ESRRG: variants seen among roughly 807,000 people sequenced by gnomAD.
ESRRG encodes the protein estrogen-related receptor gamma.
A neutral mutation model predicts 44.0 loss-of-function variants in ESRRG; 13 were observed. That is an observed-to-expected ratio of 0.30 (90% CI 0.19 to 0.47). ESRRG has a LOEUF of 0.47. Among genes scored for constraint, ESRRG ranks in the 20% least tolerant of loss-of-function variants. The pLI is 1.00. For missense variants in ESRRG, 395 were observed against 580.6 expected (o/e 0.68, Z 3.29); for synonymous variants, 215 against 214.6 (o/e 1.00, Z -0.02).
intron 1 of ESRRG, among the ~76,000 whole-genome samples, chr1:216,955,391 G>C (rs1415807319): frequency 6.6e-6 from 1 of 152,082 alleles, no homozygotes; most frequent in African/African-American, 2.4e-5. Flanking sequence ...TTTATGGCTG[G>C]ATGGTATTCC....
chr1:216,906,201 T>C (rs993245019), intron 2 of ESRRG, among the ~76,000 whole-genome samples: 1 of 151,610 alleles, frequency 6.6e-6, no homozygotes, highest in Non-Finnish European at 1.5e-5. Flanking sequence ...CTTTCCCTTA[T>C]ATATCCCCTC....
intron 3 of ESRRG, among the ~76,000 whole-genome samples, chr1:216,634,629 C>A (rs2064917727): frequency 1.3e-5 from 2 of 152,140 alleles, no homozygotes; most frequent in Non-Finnish European, 2.9e-5. Context: ...AGAGACGAGC[C>A]AGTGCAGAAT....
intron 2 of ESRRG, among the ~76,000 whole-genome samples, chr1:216,915,470 T>TTTCAACACTTTGAACATTCAAAG (rs566577222): frequency 4.7e-4 from 72 of 152,324 alleles, no homozygotes; most frequent in Middle Eastern, 3.4e-3. Flanking sequence ...GAAGGTGCTC[T>TTTCAACACTTTGAACATTCAAAG]TTCAACACTT....
intron 1 of ESRRG, among the ~76,000 whole-genome samples, chr1:217,077,748 T>C (rs1188949826): frequency 6.6e-6 from 1 of 152,210 alleles, no homozygotes; most frequent in Non-Finnish European, 1.5e-5. Flanking sequence ...ACAGTACAAA[T>C]TCATTCTTTT....
chr1:216,620,890 T>C (rs1055077074), intron 3 of ESRRG, among the ~76,000 whole-genome samples: 3 of 152,192 alleles, frequency 2.0e-5, no homozygotes, highest in Non-Finnish European at 4.4e-5. Context: ...TTGAATGATA[T>C]AGAAAAAGGA....
intron 1 of ESRRG, among the ~76,000 whole-genome samples, chr1:216,678,409 C>T (rs11117659): frequency 0.24 from 35,854 of 152,018 alleles, 4,660 homozygotes; most frequent in Non-Finnish European, 0.3. Context: ...GTTATATTTA[C>T]ATTCAGTAAA....
At chr1:217,016,949 CTT>C (rs2079476582) in intron 1 of ESRRG, among the ~76,000 whole-genome samples, 2 of 152,154 alleles carry the variant, frequency 1.3e-5, no homozygotes, top group African/African-American at 4.8e-5. Context: ...TAAGTAAACT[CTT>C]TTACTAAGAG....
chr1:216,823,720 A>G (rs2095341014), intron 2 of ESRRG, among the ~76,000 whole-genome samples: 1 of 152,210 alleles, frequency 6.6e-6, no homozygotes, highest in South Asian at 2.1e-4. Flanking sequence ...CAGACTTAAT[A>G]GAGCCACCCA....
chr1:216,739,655 G>A (rs1400573490), intron 2 of ESRRG, among the ~76,000 whole-genome samples: 1 of 152,192 alleles, frequency 6.6e-6, no homozygotes, highest in Non-Finnish European at 1.5e-5. Context: ...TCCTCCAGGT[G>A]ATTCTGATGC....
chr1:216,613,781 G>C (rs1039089456), intron 3 of ESRRG, among the ~76,000 whole-genome samples: 1 of 152,126 alleles, frequency 6.6e-6, no homozygotes, highest in Non-Finnish European at 1.5e-5. Flanking sequence ...GCCAACGTTC[G>C]AAAACTAACA....
At chr1:216,916,834 C>CTTTTTTTTTTTTTTT (rs749847047) in intron 2 of ESRRG, among the ~76,000 whole-genome samples, 1 of 62,480 alleles carries the variant, frequency 1.6e-5, no homozygotes, top group Non-Finnish European at 2.8e-5. Flanking sequence ...CAGCTTTGGT[C>CTTTTTTTTTTTTTTT]TTTTTTTTTT....
At chr1:216,508,840 A>G (rs2041934689) in intron 6 of ESRRG, among the ~76,000 whole-genome samples, 1 of 152,222 alleles carries the variant, frequency 6.6e-6, no homozygotes, top group Admixed American at 6.5e-5. Flanking sequence ...CTCTAGATAC[A>G]CAAAAGACTG....
chr1:216,544,933 T>A (rs182512720), intron 5 of ESRRG, among the ~76,000 whole-genome samples: 48 of 152,192 alleles, frequency 3.2e-4, no homozygotes, highest in African/African-American at 1.1e-3. Flanking sequence ...GAAAACAATT[T>A]AAGAATTAGA....
Position 216,894,749 on chromosome 1 carries a change from CA to C in ESRRG, c.-14+44832del, listed in dbSNP as rs564658280. Among the ~76,000 whole-genome samples the C allele has an allele frequency of 3.1e-3, 472 of 152,158 alleles. 2 individuals carry two copies. The highest frequency in any genetic ancestry group is 5.4e-3 in the Non-Finnish European group (369 of 67,996). ...GAGAACACGGTCAAGTGGTCAGGAG[CA>C]GCACTGATGTTAATTAGCAATGAAA... On this transcript the variant is annotated intron_variant, in intron 2 of 7. Transcript: ENST00000359162.
At chr1:216,709,533 T>A (rs1184177473) in intron 1 of ESRRG, among the ~76,000 whole-genome samples, 1 of 151,980 alleles carries the variant, frequency 6.6e-6, no homozygotes, top group Non-Finnish European at 1.5e-5. Flanking sequence ...AAGAGAAACA[T>A]ACTTTTAAAT....
intron 1 of ESRRG, among the ~76,000 whole-genome samples, chr1:216,988,224 C>T (rs1162841054): frequency 6.6e-6 from 1 of 152,134 alleles, no homozygotes; most frequent in Non-Finnish European, 1.5e-5. Context: ...ATCATCAAGT[C>T]CAGAAGCCAT....
chr1:216,511,796 A>G (rs2042802180), intron 6 of ESRRG, among the ~76,000 whole-genome samples: 1 of 152,246 alleles, frequency 6.6e-6, no homozygotes, highest in African/African-American at 2.4e-5. Context: ...AAAAGATTTC[A>G]GAAGCCAACC....
rs2041300417 is a variant in ESRRG at position 216,506,740 on chromosome 1, T to A, written c.*199A>T. 1 of 653,938 alleles carries A rather than the reference T, an allele frequency of 1.5e-6. No individual in the cohort carries two copies. The highest frequency in any genetic ancestry group is 1.8e-5 in the African/African-American group (1 of 54,120). 40.5% of individuals were successfully genotyped at this position (653,938 alleles called of 1,614,324 possible). A position where few individuals can be genotyped will look rare whatever the true frequency, so the allele number is the denominator to read the frequency against. ...ATGTGGGAAGAAAGAGGAAAGAAGA[T>A]GATGGAGAAAGTAGAAAGAAACTCA... On this transcript the variant is annotated 3_prime_UTR_variant, in exon 7 of 7. Coordinates refer to ENST00000408911, the MANE Select transcript of ESRRG (RefSeq NM_001438.4).
chr1:216,654,668 C>T lies in ESRRG; in HGVS notation c.473-3579G>A, dbSNP rs544244435. ...AAAAATCTAGTTAATTTTTTGAAAT[C>T]GTCAACAGTAGCTTTGACAAAAATG... On this transcript the variant is annotated intron_variant, in intron 2 of 6. Transcript: ENST00000408911. Among the ~76,000 whole-genome samples the T allele has an allele frequency of 9.4e-5, 14 of 149,200 alleles. No individual in the cohort carries two copies. In the South Asian group the frequency reaches 2.1e-3, roughly 23 times the overall value.
Sources: gnomAD v4.1 joint callset for allele counts (sites outside exome capture counted in the v4.1 genomes callset) on GRCh38, gnomAD v4.1.1 for gene constraint, MANE v1.5 for transcripts, NCBI Gene and HGNC (gene_info 2026-07-23, HGNC 2026-07-21) for gene names.